Variants in UGGT1 observed in about 807,000 individuals in gnomAD.
UGGT1 encodes UDP-glucose:glycoprotein glucosyltransferase 1.
In UGGT1, 107 loss-of-function variants were observed where a neutral mutation model predicts 203.9. That is an observed-to-expected ratio of 0.52 (90% CI 0.45 to 0.62). The LOEUF is 0.62. Ranked by LOEUF, UGGT1 falls within the 20% of genes least tolerant of loss-of-function variation. The pLI is 0.00. For synonymous variants in UGGT1, 628 were observed against 653.5 expected (o/e 0.96, Z 0.59); for missense variants, 1,673 against 1,867.2 (o/e 0.90, Z 1.92).
intron 19 of UGGT1, among the ~76,000 whole-genome samples, chr2:128,153,246 C>T (rs528285462): frequency 1.3e-5 from 2 of 152,318 alleles, no homozygotes; most frequent in South Asian, 2.1e-4. Context: ...TCTCTTTCTT[C>T]ATCCTCATTC....
chr2:128,143,674 C>T (rs1476243680), intron 17 of UGGT1, among the ~76,000 whole-genome samples: 1 of 152,156 alleles, frequency 6.6e-6, no homozygotes, highest in African/African-American at 2.4e-5. Context: ...TAGACTTGGC[C>T]ATCTGTACTG....
intron 18 of UGGT1, among the ~76,000 whole-genome samples, chr2:128,149,377 G>T (rs993693672): frequency 1.3e-5 from 2 of 149,874 alleles, no homozygotes; most frequent in African/African-American, 4.9e-5. Context: ...GGGCGCGATG[G>T]CTCATGCCTG....
chr2:128,132,127 TC>T (rs1468752022), intron 13 of UGGT1, among the ~76,000 whole-genome samples: 1 of 152,184 alleles, frequency 6.6e-6, no homozygotes, highest in African/African-American at 2.4e-5. Context: ...AGCTCATAGT[TC>T]CTAGATTACA....
intron 36 of UGGT1, among the ~76,000 whole-genome samples, chr2:128,181,376 T>A (rs1158215169): frequency 6.6e-6 from 1 of 152,220 alleles, no homozygotes; most frequent in Non-Finnish European, 1.5e-5. Flanking sequence ...GTGCTTGCCA[T>A]CATCTCTAAT....
chr2:128,154,650 G>A (rs909321919), intron 19 of UGGT1, among the ~76,000 whole-genome samples: 8 of 152,094 alleles, frequency 5.3e-5, no homozygotes, highest in African/African-American at 1.9e-4. Flanking sequence ...TATTTTCTAC[G>A]GTTTTCCTGG....
rs1692230464 is a variant in UGGT1 at position 128,190,905 on chromosome 2, G to T, written c.*1163G>T. The T allele has an allele frequency of 6.6e-6, 1 of 152,252 alleles. No homozygotes were observed. Among genetic ancestry groups the T allele is most frequent in the Non-Finnish European group, 1.5e-5 (1 of 68,074 alleles). 9.4% of individuals were successfully genotyped at this position (152,252 alleles called of 1,614,324 possible). Reference sequence around the variant, plus strand: ...CCCACACCAGTTCTGTCTTCATGTCGCTGCATCGTGAAGCCCCATTTGCCT... The same window carrying T: ...CCCACACCAGTTCTGTCTTCATGTCTCTGCATCGTGAAGCCCCATTTGCCT... On this transcript the variant is annotated 3_prime_UTR_variant, in exon 41 of 41. Coordinates refer to ENST00000259253, the MANE Select transcript of UGGT1 (RefSeq NM_020120.4).
intron 16 of UGGT1, among the ~76,000 whole-genome samples, chr2:128,141,632 A>G (rs889210721): frequency 2.4e-4 from 36 of 148,782 alleles, no homozygotes; most frequent in African/African-American, 8.6e-4. Flanking sequence ...TTAACCAGAC[A>G]TAGTGGCAGG....
chr2:128,143,937 A>G (rs995735203), intron 17 of UGGT1, among the ~76,000 whole-genome samples: 3 of 152,104 alleles, frequency 2.0e-5, no homozygotes, highest in Admixed American at 6.5e-5. Context: ...AATAAATGTC[A>G]TTGCACTTGT....
At chr2:128,101,848 A>G (rs1376345021) in intron 2 of UGGT1, among the ~76,000 whole-genome samples, 1 of 152,220 alleles carries the variant, frequency 6.6e-6, no homozygotes, top group Admixed American at 6.5e-5. Flanking sequence ...ATCTCCCGCA[A>G]TAGCTTTGGA....
rs1409856344 is a variant in UGGT1, at chr2:128,195,215, A to G, written c.*5473A>G. On this transcript the variant is annotated 3_prime_UTR_variant, in exon 41 of 41. Coordinates refer to ENST00000259253, the MANE Select transcript of UGGT1 (RefSeq NM_020120.4). ...CTTTCCCAGATACCCAGCAGTGCAG[A>G]GGCTAGCTGTGGAAGGTTGCAGTGG... is the stretch of plus-strand genomic sequence containing the variant. 1 of 152,230 alleles carries G rather than the reference A, an allele frequency of 6.6e-6. No homozygotes were observed. The highest frequency in any genetic ancestry group is 2.4e-5 in the African/African-American group (1 of 41,468). The allele number at this position is 152,230 out of a possible 1,614,324, so 9.4% of individuals were successfully genotyped here. A position where few individuals can be genotyped will look rare whatever the true frequency, so the allele number is the denominator to read the frequency against.
intron 1 of UGGT1, among the ~76,000 whole-genome samples, chr2:128,094,412 A>T (rs1307508182): frequency 5.9e-5 from 9 of 152,222 alleles, no homozygotes; most frequent in Admixed American, 5.9e-4. Context: ...ATGTTTTACT[A>T]CAACAATCAA....
chr2:128,131,848 C>T (rs768607904), intron 13 of UGGT1, among the ~76,000 whole-genome samples: 1 of 152,100 alleles, frequency 6.6e-6, no homozygotes, highest in African/African-American at 2.4e-5. Context: ...AGGATGGTCT[C>T]AATCTCTTGA....
intron 24 of UGGT1, among the ~76,000 whole-genome samples, chr2:128,160,820 CT>C (rs750634724): frequency 9.9e-5 from 15 of 152,156 alleles, no homozygotes; most frequent in Admixed American, 4.6e-4. Flanking sequence ...AGTGTGGTGG[CT>C]CTCAGAAAGT....
intron 25 of UGGT1, 138 bp from the exon 26 acceptor site, chr2:128,164,592 A>G (rs1001309004): frequency 3.1e-6 from 2 of 650,148 alleles, no homozygotes; most frequent in Non-Finnish European, 5.5e-6. Context: ...ACTCTTTCTC[A>G]TGCCTATCAG....
intron 15 of UGGT1, among the ~76,000 whole-genome samples, chr2:128,136,114 A>T (rs772682162): frequency 6.6e-6 from 1 of 152,216 alleles, no homozygotes; most frequent in Non-Finnish European, 1.5e-5. Context: ...CTCCTAGGCA[A>T]CTGAGAGATT....
In UGGT1 at chr2:128,129,140, G is replaced by C; in HGVS notation, c.1338G>C (p.Glu446Asp). 1 of 1,613,894 alleles carries C rather than the reference G, an allele frequency of 6.2e-7. No individual in the cohort carries two copies. The highest frequency in any genetic ancestry group is 8.5e-7 in the Non-Finnish European group (1 of 1,179,992). The change falls in exon 13 of 41, where the codon GAG becomes GAC. Residue 446 changes from glutamate to aspartate, a missense_variant. Coordinates refer to ENST00000259253, the MANE Select transcript of UGGT1 (RefSeq NM_020120.4). ...TGAAGCTGAACATCCAGCCCTCTGA[G>C]GCAGACTATGCCGTAGACATCCGGA... ...NVLKLNIQPSEADYAVDIRSP... is the reference protein window; with the variant it reads ...NVLKLNIQPSDADYAVDIRSP...
At chr2:128,172,006 A>G (rs890754699) in intron 28 of UGGT1, among the ~76,000 whole-genome samples, 1 of 152,178 alleles carries the variant, frequency 6.6e-6, no homozygotes, top group African/African-American at 2.4e-5. Flanking sequence ...GTTAGCTTCT[A>G]AGTGGATTGA....
chr2:128,186,785 A>G lies in UGGT1; in HGVS notation c.4462A>G (p.Lys1488Glu), dbSNP rs1436358758. The change falls in exon 39 of 41, where the codon AAA (lysine) becomes GAA (glutamate). Residue 1488 changes from lysine (K) to glutamate (E), a missense_variant. Transcript: ENST00000259253. Reference sequence around the variant, plus strand: ...TGATGACGCCTCTAAGAAAAGGGCAAAAACCATTGATTTGGTAAGCCGTAT... The same window carrying G: ...TGATGACGCCTCTAAGAAAAGGGCAGAAACCATTGATTTGGTAAGCCGTAT... ...WCDDASKKRA[K>E]TIDLCNNPMT... is the part of the protein sequence containing the mutation. The G allele has an allele frequency of 1.2e-6, 2 of 1,612,982 alleles. No individual in the cohort carries two copies. Among genetic ancestry groups the G allele is most frequent in the Non-Finnish European group, 1.7e-6 (2 of 1,179,364 alleles).
intron 6 of UGGT1, among the ~76,000 whole-genome samples, chr2:128,113,468 A>C (rs1163637276): frequency 1.3e-5 from 2 of 152,252 alleles, no homozygotes; most frequent in Non-Finnish European, 2.9e-5. Flanking sequence ...CTAAAAAAGT[A>C]GCTCGATAAA....
Sources: gnomAD v4.1 joint callset for allele counts (sites outside exome capture counted in the v4.1 genomes callset) on GRCh38, gnomAD v4.1.1 for gene constraint, MANE v1.5 for transcripts, NCBI Gene and HGNC (gene_info 2026-07-23, HGNC 2026-07-21) for gene names.